The following BMAL1 variants were observed in gnomAD, a reference collection of about 807,000 sequenced individuals.
The protein encoded by BMAL1 is basic helix-loop-helix ARNT like 1.
the BMAL1 span, among the ~76,000 whole-genome samples, chr11:13,383,768 C>T: frequency 6.6e-6 from 1 of 152,096 alleles, no homozygotes; most frequent in Non-Finnish European, 1.5e-5. Context: ...GGAGAATCAC[C>T]TGAGCCCAGG....
At chr11:13,279,680 C>T in the BMAL1 span, among the ~76,000 whole-genome samples, 1 of 152,130 alleles carries the variant, frequency 6.6e-6, no homozygotes, top group Non-Finnish European at 1.5e-5. Flanking sequence ...TGTTTTGTTA[C>T]TCAGATCATT....
the BMAL1 span, chr11:13,354,197 C>A: frequency 6.8e-4 from 501 of 741,088 alleles, no homozygotes; most frequent in Non-Finnish European, 9.5e-4. Flanking sequence ...GTCTCCCCCC[C>A]CGGCCCCCCA....
the BMAL1 span, among the ~76,000 whole-genome samples, chr11:13,374,974 C>A: frequency 6.6e-6 from 1 of 152,192 alleles, no homozygotes; most frequent in African/African-American, 2.4e-5. Context: ...CTGGCCTCTC[C>A]CCAACCAGAC....
the BMAL1 span, among the ~76,000 whole-genome samples, chr11:13,318,778 G>T: frequency 6.6e-6 from 1 of 151,794 alleles, no homozygotes; most frequent in Non-Finnish European, 1.5e-5. Flanking sequence ...GTCACTCTAG[G>T]GGAGGGGGGC....
At chr11:13,298,395 A>G in the BMAL1 span, among the ~76,000 whole-genome samples, 1 of 152,134 alleles carries the variant, frequency 6.6e-6, no homozygotes, top group African/African-American at 2.4e-5. Context: ...ATGTCACCCT[A>G]TTTAAAATTG....
chr11:13,301,953 G>A, the BMAL1 span, among the ~76,000 whole-genome samples: 1 of 152,182 alleles, frequency 6.6e-6, no homozygotes, highest in Non-Finnish European at 1.5e-5. Flanking sequence ...CTGTGCTTAC[G>A]ACCATGAAGC....
chr11:13,336,045 T>C, the BMAL1 span, among the ~76,000 whole-genome samples: 3 of 152,238 alleles, frequency 2.0e-5, no homozygotes, highest in African/African-American at 7.2e-5. Flanking sequence ...GCTTACAAAT[T>C]AGCTAGAAAA....
chr11:13,364,008 C>T, the BMAL1 span, among the ~76,000 whole-genome samples: 1 of 152,218 alleles, frequency 6.6e-6, no homozygotes, highest in East Asian at 1.9e-4. Context: ...GTTGTCGGTT[C>T]AGGCCTGACC....
At chr11:13,360,511 C>A in the BMAL1 span, 1 of 1,259,716 alleles carries the variant, frequency 7.9e-7, no homozygotes, top group Non-Finnish European at 1.1e-6. Flanking sequence ...GATGTTTCAA[C>A]ACTGAGCTTT....
the BMAL1 span, among the ~76,000 whole-genome samples, chr11:13,336,878 G>T: frequency 1.3e-5 from 2 of 152,144 alleles, no homozygotes; most frequent in Admixed American, 6.5e-5. Context: ...TTTCATCTAG[G>T]GTAGCTGGTG....
chr11:13,283,101 G>A, the BMAL1 span, among the ~76,000 whole-genome samples: 1 of 152,214 alleles, frequency 6.6e-6, no homozygotes, highest in East Asian at 1.9e-4. Context: ...ATGTAATGGA[G>A]AGTGGTTTTT....
At chr11:13,309,370 G>A in the BMAL1 span, among the ~76,000 whole-genome samples, 3 of 152,102 alleles carry the variant, frequency 2.0e-5, no homozygotes, top group East Asian at 5.8e-4. Context: ...CTGTGGATTT[G>A]GGCCTGCCTT....
At chr11:13,356,693 GTATGTCTT>G in the BMAL1 span, 2 of 1,610,518 alleles carry the variant, frequency 1.2e-6, no homozygotes. Flanking sequence ...AAGCTCTTCT[GTATGTCTT>G]TATTAACATG....
the BMAL1 span, among the ~76,000 whole-genome samples, chr11:13,280,174 A>G: frequency 2.0e-5 from 3 of 152,228 alleles, no homozygotes; most frequent in African/African-American, 7.2e-5. Flanking sequence ...CTATTTTCAT[A>G]AGAAAGTTAA....
chr11:13,307,370 A>G, the BMAL1 span, among the ~76,000 whole-genome samples: 4 of 152,210 alleles, frequency 2.6e-5, no homozygotes, highest in East Asian at 3.9e-4. Flanking sequence ...TTTAGCTCCA[A>G]GGAGCACTGA....
chr11:13,284,220 ATATATATGTGTG>A, the BMAL1 span, among the ~76,000 whole-genome samples: 279 of 17,520 alleles, frequency 0.016, 22 homozygotes, highest in African/African-American at 0.024. Flanking sequence ...GTGTATATAT[ATATATATGTGTG>A]TGTATATATA....
chr11:13,357,541 C>G, the BMAL1 span, among the ~76,000 whole-genome samples: 24 of 152,204 alleles, frequency 1.6e-4, no homozygotes, highest in African/African-American at 5.1e-4. The surrounding 1 kb of genome is among the most constrained non-coding windows in gnomAD (Gnocchi z 4.8). Context: ...GATTCTCTGC[C>G]TGGGTCTGTC....
the BMAL1 span, chr11:13,372,106 G>T: frequency 6.2e-7 from 1 of 1,604,458 alleles, no homozygotes; most frequent in South Asian, 1.1e-5. Context: ...CATCGGCCGT[G>T]TACACCTCCA....
the BMAL1 span, among the ~76,000 whole-genome samples, chr11:13,377,371 T>C: frequency 6.6e-6 from 1 of 152,194 alleles, no homozygotes; most frequent in Non-Finnish European, 1.5e-5. Flanking sequence ...CCCTACCTGA[T>C]TGGTTGTTTA....
Sources: allele counts gnomAD v4.1 joint callset (sites outside exome capture counted in the v4.1 genomes callset), GRCh38; gene constraint gnomAD v4.1.1; non-coding constraint Gnocchi (gnomAD v3.1); transcripts MANE v1.5; gene names NCBI Gene and HGNC (gene_info 2026-07-23, HGNC 2026-07-21).